Variants in TAF4 observed in about 807,000 individuals in gnomAD.
TAF4 encodes the protein transcription initiation factor TFIID subunit 4.
In TAF4, 9 loss-of-function variants were observed where a neutral mutation model predicts 90.3. The observed-to-expected ratio is 0.10, with a 90% CI of 0.06 to 0.17. TAF4 has a LOEUF of 0.17. Among genes scored for constraint, TAF4 ranks in the 10% least tolerant of loss-of-function variants. The pLI is 1.00. For synonymous variants in TAF4, 818 were observed against 638.9 expected (o/e 1.28, Z -4.23); for missense variants, 1,351 against 1,370.7 (o/e 0.99, Z 0.23).
chr20:62,008,871 T>C (rs1299879782), intron 5 of TAF4, 181 bp downstream of exon 5: 5 of 703,724 alleles, frequency 7.1e-6, no homozygotes, highest in Middle Eastern at 3.9e-4. Flanking sequence ...CAGGAAGGAG[T>C]CTCCTTAGCT....
intron 1 of TAF4, among the ~76,000 whole-genome samples, chr20:62,018,551 G>A (rs2055825458): frequency 6.9e-6 from 1 of 145,032 alleles, no homozygotes. Context: ...GGGTACACGT[G>A]GCAGGTGTGG....
intron 2 of TAF4, among the ~76,000 whole-genome samples, chr20:62,013,950 T>TGTGTGA (rs1491288481): frequency 4.3e-4 from 54 of 126,382 alleles, no homozygotes; most frequent in Admixed American, 6.2e-4. Flanking sequence ...TGTGTGTGTG[T>TGTGTGA]GAATCCGTGC....
intron 14 of TAF4, among the ~76,000 whole-genome samples, chr20:61,982,071 C>A (rs200253999): frequency 9.5e-6 from 1 of 105,622 alleles, no homozygotes; most frequent in African/African-American, 3.6e-5. Context: ...ACCCACACCC[C>A]ACCCGAGAGG....
intron 1 of TAF4, among the ~76,000 whole-genome samples, chr20:62,055,649 C>T (rs2056059267): frequency 2.0e-5 from 3 of 152,218 alleles, no homozygotes; most frequent in Admixed American, 6.5e-5. Context: ...CGGGGGACCC[C>T]TGCATCTACT....
chr20:62,007,798 T>C (rs1029554289), intron 5 of TAF4, 162 bp from the exon 6 acceptor site: 3 of 636,294 alleles, frequency 4.7e-6, no homozygotes, highest in Non-Finnish European at 7.9e-6. Context: ...CACAGGTACA[T>C]GTGTGACAGG....
chr20:62,021,181 G>A lies in TAF4; in HGVS notation c.1361-6474C>T, dbSNP rs145236236. On this transcript the variant is annotated intron_variant, in intron 1 of 14. Coordinates refer to ENST00000252996, the MANE Select transcript of TAF4 (RefSeq NM_003185.4). Reference sequence around the variant, plus strand: ...CCAAACCACCCACCAAGGCTCAGAGGCAAAAAAAGGCATTTCAGACACACT... The same window carrying A: ...CCAAACCACCCACCAAGGCTCAGAGACAAAAAAAGGCATTTCAGACACACT... 5.4e-4 allele frequency among the ~76,000 whole-genome samples: 82 copies of A among 151,950 alleles called. 2 individuals carry two copies. The highest frequency in any genetic ancestry group is 1.9e-3 in the African/African-American group (77 of 41,494).
At chr20:62,063,361 TGCTGCCACCGC>T (rs1290039546) in intron 1 of TAF4, among the ~76,000 whole-genome samples, 1 of 152,228 alleles carries the variant, frequency 6.6e-6, no homozygotes, top group South Asian at 2.1e-4. Context: ...TTCCTACTAC[TGCTGCCACCGC>T]GCTGCTACAA....
chr20:62,000,580 C>T lies in TAF4; in HGVS notation c.2628G>A (p.Ala876=), dbSNP rs149271691. ...SCKDETFLLQ[A]PLQRRILEIG... ...TTTCTAATATTCTTCTCTGCAAAGG[C>T]GCTTGGAGGAGGAAGGTTTCATCTT... The change falls in exon 10 of 15, where the codon GCG becomes GCA. Residue 876 remains alanine, a synonymous_variant. Transcript: ENST00000252996. 88 of 1,614,112 alleles carry T rather than the reference C, an allele frequency of 5.5e-5. No homozygotes were observed. In the African/African-American group the frequency reaches 6.4e-4, roughly 12 times the overall value.
intron 7 of TAF4, among the ~76,000 whole-genome samples, chr20:62,004,268 C>G (rs963636256): frequency 6.6e-6 from 1 of 151,932 alleles, no homozygotes; most frequent in Non-Finnish European, 1.5e-5. Context: ...GACATTGTTG[C>G]CTGGTGGCTA....
chr20:62,037,916 G>A (rs750569325), intron 1 of TAF4: 2 of 205,590 alleles, frequency 9.7e-6, no homozygotes, highest in African/African-American at 2.3e-5. Flanking sequence ...GGATTTGCAC[G>A]ATTTTGTGGG....
Position 62,059,888 on chromosome 20 carries a change from CACTT to C in TAF4, c.1360+4559_1360+4562del, listed in dbSNP as rs1325772684. On this transcript the variant is annotated intron_variant, in intron 1 of 14. Transcript: ENST00000252996. ...GCTGCTAATTATGCTTTGATCAACT[CACTT>C]ACAACCAACAATTTATAAAAGCTTT... Among the ~76,000 whole-genome samples the C allele has an allele frequency of 5.9e-5, 9 of 152,372 alleles. No individual in the cohort carries two copies. The South Asian group carries it at 8.3e-4, about 14-fold the overall frequency.
intron 5 of TAF4, chr20:62,008,851 C>T (rs938590926): frequency 6.9e-6 from 4 of 575,886 alleles, no homozygotes; most frequent in African/African-American, 5.8e-5. Flanking sequence ...GGCCCCAGAA[C>T]ACCCAGCCCC....
At chr20:62,024,168 C>T (rs530454330) in intron 1 of TAF4, among the ~76,000 whole-genome samples, 5 of 152,160 alleles carry the variant, frequency 3.3e-5, no homozygotes, top group Admixed American at 6.5e-5. Flanking sequence ...CAGGCCCACA[C>T]GCGGATGGAC....
At chr20:62,042,451 A>G (rs953745413) in intron 1 of TAF4, among the ~76,000 whole-genome samples, 2 of 152,222 alleles carry the variant, frequency 1.3e-5, no homozygotes, top group Non-Finnish European at 2.9e-5. Flanking sequence ...GCAGGGGGAA[A>G]AAGGCTGTCG....
chr20:62,052,328 A>T (rs2056033813), intron 1 of TAF4, among the ~76,000 whole-genome samples: 1 of 151,980 alleles, frequency 6.6e-6, no homozygotes, highest in Non-Finnish European at 1.5e-5. Flanking sequence ...TGGCTCCAAG[A>T]TCTCTCCTTA....
chr20:61,997,509 C>T, intron 14 of TAF4, 41 bp downstream of exon 14: 2 of 1,515,204 alleles, frequency 1.3e-6, no homozygotes, highest in South Asian at 2.6e-5. Context: ...AGATGTTCCC[C>T]ATGTTTCCCC....
At chr20:62,020,886 C>T (rs1273845391) in intron 1 of TAF4, among the ~76,000 whole-genome samples, 1 of 152,180 alleles carries the variant, frequency 6.6e-6, no homozygotes, top group Non-Finnish European at 1.5e-5. Flanking sequence ...AACAGGTGAT[C>T]AACAGAAATT....
intron 9 of TAF4, among the ~76,000 whole-genome samples, chr20:62,002,033 T>C (rs1429116118): frequency 1.3e-5 from 2 of 152,338 alleles, no homozygotes; most frequent in East Asian, 3.9e-4. Context: ...CCCAGGGGTT[T>C]GCGTCAGCAT....
intron 1 of TAF4, among the ~76,000 whole-genome samples, chr20:62,015,654 C>G (rs2055808260): frequency 6.6e-6 from 1 of 152,336 alleles, no homozygotes; most frequent in African/African-American, 2.4e-5. Flanking sequence ...GGGGCGGCCA[C>G]TGCGTTTCCC....
Sources: allele counts gnomAD v4.1 joint callset (sites outside exome capture counted in the v4.1 genomes callset), GRCh38; gene constraint gnomAD v4.1.1; transcripts MANE v1.5; gene names NCBI Gene and HGNC (gene_info 2026-07-23, HGNC 2026-07-21).